TRPM3: variants seen among roughly 807,000 people sequenced by gnomAD.
TRPM3 encodes transient receptor potential cation channel subfamily M member 3, also known as long transient receptor potential channel 3.
In TRPM3, 77 loss-of-function variants were observed where a neutral mutation model predicts 181.2. The observed-to-expected ratio is 0.42, with a 90% CI of 0.35 to 0.51. The LOEUF (loss-of-function observed/expected upper bound fraction) is 0.51. TRPM3 is among the 20% of genes least tolerant of loss of function. TRPM3 has a pLI of 0.01. For synonymous variants in TRPM3, 745 were observed against 796.4 expected (o/e 0.94, Z 1.09); for missense variants, 1,759 against 2,196.7 (o/e 0.80, Z 3.98).
At chr9:70,559,538 C>A (rs1468466067) in intron 22 of TRPM3, among the ~76,000 whole-genome samples, 6 of 152,168 alleles carry the variant, frequency 3.9e-5, no homozygotes, top group Non-Finnish European at 5.9e-5. Context: ...GGCAAACCAA[C>A]AATACCCCAT....
chr9:71,088,667 G>A (rs926484057), intron 1 of TRPM3, among the ~76,000 whole-genome samples: 9 of 152,008 alleles, frequency 5.9e-5, no homozygotes, highest in Admixed American at 2.0e-4. Flanking sequence ...TTTCAAAAGC[G>A]TAATGAGGTT....
At chr9:70,817,967 A>G (rs1389834582) in intron 6 of TRPM3, among the ~76,000 whole-genome samples, 1 of 152,032 alleles carries the variant, frequency 6.6e-6, no homozygotes, top group East Asian at 1.9e-4. Context: ...TGGAACTGTT[A>G]TTTCTGTTAT....
chr9:70,980,067 G>GCACGCACACACACACACACACACA (rs1554789047), intron 1 of TRPM3, among the ~76,000 whole-genome samples: 36 of 137,978 alleles, frequency 2.6e-4, no homozygotes, highest in Non-Finnish European at 5.0e-4. Context: ...GCATGTGCGT[G>GCACGCACACACACACACACACACA]CACACACACA....
At chr9:70,963,984 G>T (rs1183611216) in intron 1 of TRPM3, among the ~76,000 whole-genome samples, 2 of 151,782 alleles carry the variant, frequency 1.3e-5, no homozygotes, top group Non-Finnish European at 2.9e-5. Context: ...TCTTCTTTTG[G>T]CTAGGGAGGT....
At chr9:70,759,981 A>AT (rs897111471) in intron 8 of TRPM3, among the ~76,000 whole-genome samples, 2 of 152,116 alleles carry the variant, frequency 1.3e-5, no homozygotes, top group African/African-American at 2.4e-5. Context: ...TTAAAAAATA[A>AT]TTTTTTTAAA....
intron 1 of TRPM3, among the ~76,000 whole-genome samples, chr9:71,304,789 GAA>G (rs893610168): frequency 6.6e-6 from 1 of 152,194 alleles, no homozygotes; most frequent in African/African-American, 2.4e-5. Context: ...AGACATCAGT[GAA>G]ACCATGTATA....
intron 1 of TRPM3, among the ~76,000 whole-genome samples, chr9:71,301,131 G>A (rs954145710): frequency 1.3e-5 from 2 of 152,110 alleles, no homozygotes; most frequent in African/African-American, 4.8e-5. Context: ...TCAGGGAACT[G>A]TCTCAGAGCA....
intron 1 of TRPM3, among the ~76,000 whole-genome samples, chr9:71,252,650 A>T (rs948617751): frequency 1.3e-5 from 2 of 152,124 alleles, no homozygotes; most frequent in South Asian, 4.2e-4. Flanking sequence ...TTTGCTATGG[A>T]ACTTTCAAAA....
chr9:71,090,777 A>C (rs1158012779), intron 1 of TRPM3, among the ~76,000 whole-genome samples: 1 of 152,144 alleles, frequency 6.6e-6, no homozygotes, highest in Admixed American at 6.6e-5. Context: ...TCATTTGTAA[A>C]ATAAGAATAA....
intron 1 of TRPM3, among the ~76,000 whole-genome samples, chr9:71,427,775 G>T (rs1365095391): frequency 6.6e-6 from 1 of 152,044 alleles, no homozygotes; most frequent in Non-Finnish European, 1.5e-5. Context: ...GGAGGCAGGG[G>T]GCCAGGGTTG....
At chr9:71,287,367 T>C (rs2085386526) in intron 1 of TRPM3, among the ~76,000 whole-genome samples, 1 of 151,878 alleles carries the variant, frequency 6.6e-6, no homozygotes, top group East Asian at 1.9e-4. Flanking sequence ...TATACACCAA[T>C]GAGCTTTCAT....
upstream of TRPM3, among the ~76,000 whole-genome samples, chr9:71,122,281 T>G (rs2073734400): frequency 6.6e-6 from 1 of 152,222 alleles, no homozygotes; most frequent in Non-Finnish European, 1.5e-5. Flanking sequence ...GTTGCTGAGT[T>G]GGAATGTATA....
At chr9:71,025,785 T>C (rs1218387373) in intron 1 of TRPM3, among the ~76,000 whole-genome samples, 2 of 152,170 alleles carry the variant, frequency 1.3e-5, no homozygotes, top group Non-Finnish European at 2.9e-5. Context: ...GATGTCCAAC[T>C]AAACACAGCC....
chr9:71,205,804 C>T (rs59259163), intron 1 of TRPM3, among the ~76,000 whole-genome samples: 5,919 of 152,240 alleles, frequency 0.039, 397 homozygotes, highest in African/African-American at 0.14. Context: ...AGACTGTCAT[C>T]AGAATGAGCA....
intron 8 of TRPM3, chr9:70,761,211 T>C: frequency 1.8e-6 from 1 of 568,002 alleles, no homozygotes; most frequent in South Asian, 2.2e-5. Context: ...CCCTTTGTCA[T>C]TAAAGCTATT....
At position 71,351,870 on chromosome 9, in the gene TRPM3, G is replaced by GTTTTTTT. The variant is rs1398031517; in HGVS notation, c.183+94782_183+94783insAAAAAAA. On this transcript the variant is annotated intron_variant, in intron 1 of 24. Transcript: ENST00000357533. ...ATGGGAAGTTTTTGTTTGTTTGTTT[G>GTTTTTTT]TTTTTGTTTTTTTTTTTTTTTTTGA... is the stretch of plus-strand genomic sequence containing the variant. Among the ~76,000 whole-genome samples, 30 of 95,656 alleles carry GTTTTTTT rather than the reference G, an allele frequency of 3.1e-4. 6 individuals carry two copies. Among genetic ancestry groups the GTTTTTTT allele is most frequent in the Non-Finnish European group, 4.1e-4 (19 of 46,776 alleles). 62.8% of individuals were successfully genotyped at this position (95,656 alleles called of 152,430 possible).
intron 1 of TRPM3, among the ~76,000 whole-genome samples, chr9:71,326,180 C>A (rs2089667720): frequency 6.6e-6 from 1 of 152,276 alleles, no homozygotes; most frequent in African/African-American, 2.4e-5. Context: ...AGTTATTGAA[C>A]TGACAGAATG....
At chr9:71,209,429 TTTC>T (rs1328853935) in intron 1 of TRPM3, among the ~76,000 whole-genome samples, 2 of 151,914 alleles carry the variant, frequency 1.3e-5, no homozygotes, top group Non-Finnish European at 2.9e-5. Context: ...ACTGACTTCT[TTTC>T]TTCTCTATCA....
intron 1 of TRPM3, among the ~76,000 whole-genome samples, chr9:71,130,060 A>C (rs779810508): frequency 6.6e-6 from 1 of 152,224 alleles, no homozygotes; most frequent in Non-Finnish European, 1.5e-5. Context: ...GTTTTTAAAC[A>C]TATACAAACT....
Sources: allele counts gnomAD v4.1 joint callset (sites outside exome capture counted in the v4.1 genomes callset), GRCh38; gene constraint gnomAD v4.1.1; transcripts MANE v1.5; gene names NCBI Gene and HGNC (gene_info 2026-07-23, HGNC 2026-07-21).